SLIT2: variants seen among roughly 807,000 people sequenced by gnomAD.
SLIT2 encodes the protein slit guidance ligand 2, also known as slit homolog 2 protein.
In SLIT2, 41 loss-of-function variants were observed where a neutral mutation model predicts 185.7. The ratio of observed to expected loss-of-function variants is 0.22; its 90% confidence interval spans 0.17 to 0.29. The LOEUF is 0.29. SLIT2 is among the 10% of genes least tolerant of loss of function. The pLI is 1.00. For synonymous variants in SLIT2, 693 were observed against 680.2 expected (o/e 1.02, Z -0.29); for missense variants, 1,571 against 1,909.0 (o/e 0.82, Z 3.30).
chr4:20,419,694 T>TGTGTGC (rs1728009818), intron 4 of SLIT2, among the ~76,000 whole-genome samples: 1 of 151,552 alleles, frequency 6.6e-6, no homozygotes, highest in Non-Finnish European at 1.5e-5. Context: ...TGTGTGTGTG[T>TGTGTGC]GTGTGTGTGT....
At chr4:20,480,547 C>T (rs944519857) in intron 5 of SLIT2, among the ~76,000 whole-genome samples, 169 bp from the exon 6 acceptor site, 11 of 152,026 alleles carry the variant, frequency 7.2e-5, no homozygotes, top group East Asian at 1.9e-4. Flanking sequence ...ATTTCAGTGG[C>T]GGCATAGAGG....
In SLIT2 at chr4:20,566,215, A is replaced by G. The variant is rs188453422; in HGVS notation, c.2726-1047A>G. On this transcript the variant is annotated intron_variant, in intron 26 of 36. Transcript: ENST00000504154. ...GAAATTGCTTGTGATAAAATGTTCA[A>G]TTAGAATTATTGCTGCTTGTTCCAG... 1.7e-3 allele frequency among the ~76,000 whole-genome samples: 258 copies of G among 152,180 alleles called. 2 individuals carry two copies. The highest frequency in any genetic ancestry group is 5.7e-3 in the African/African-American group (235 of 41,562).
At chr4:20,565,477 G>C (rs375765824) in intron 26 of SLIT2, among the ~76,000 whole-genome samples, 1 of 151,922 alleles carries the variant, frequency 6.6e-6, no homozygotes, top group Non-Finnish European at 1.5e-5. Flanking sequence ...TTAACTAACT[G>C]CTTTCACTGT....
chr4:20,342,210 A>G (rs998349430), intron 4 of SLIT2, among the ~76,000 whole-genome samples: 10 of 152,200 alleles, frequency 6.6e-5, no homozygotes, highest in Non-Finnish European at 1.5e-4. Context: ...GGGATAAAAT[A>G]AAATTAACAT....
intron 30 of SLIT2, 128 bp downstream of exon 30, chr4:20,589,865 A>G: frequency 1.7e-6 from 1 of 578,880 alleles, no homozygotes; most frequent in Non-Finnish European, 3.1e-6. Context: ...CACTAGTATC[A>G]GTGACATTTT....
chr4:20,492,314 G>A (rs1292380395), intron 9 of SLIT2, among the ~76,000 whole-genome samples: 1 of 152,182 alleles, frequency 6.6e-6, no homozygotes, highest in Non-Finnish European at 1.5e-5. Flanking sequence ...GTTTTAAAAG[G>A]CAGTTTCACT....
At position 20,388,888 on chromosome 4, in the gene SLIT2, CAT is replaced by C. The variant is rs1491254010; in HGVS notation, c.396-78862_396-78861del. On this transcript the variant is annotated intron_variant, in intron 4 of 36. Coordinates refer to ENST00000504154, the MANE Select transcript of SLIT2 (RefSeq NM_004787.4). The stretch of plus-strand genomic sequence containing the variant: ...AATATAATATATAATATATATAAAA[CAT>C]AATATATATAATATATACATATAAT... Among the ~76,000 whole-genome samples, 169 of 133,068 alleles carry C rather than the reference CAT, an allele frequency of 1.3e-3. 1 individual carries two copies. The highest frequency in any genetic ancestry group is 4.3e-3 in the African/African-American group (154 of 35,980). The allele number at this position is 133,068 out of a possible 152,430, so 87.3% of individuals were successfully genotyped here. A position where few individuals can be genotyped will look rare whatever the true frequency, so the allele number is the denominator to read the frequency against.
intron 4 of SLIT2, among the ~76,000 whole-genome samples, chr4:20,280,476 A>G (rs907750488): frequency 6.6e-6 from 1 of 152,054 alleles, no homozygotes; most frequent in Non-Finnish European, 1.5e-5. Context: ...GTGTTTATAT[A>G]TGAGTATGTA....
At chr4:20,310,546 T>G (rs994506785) in intron 4 of SLIT2, among the ~76,000 whole-genome samples, 1 of 152,190 alleles carries the variant, frequency 6.6e-6, no homozygotes, top group African/African-American at 2.4e-5. Flanking sequence ...CTTCTTCTCC[T>G]GTCCTGTTCA....
intron 4 of SLIT2, among the ~76,000 whole-genome samples, chr4:20,380,009 G>C (rs1724362079): frequency 6.6e-6 from 1 of 152,110 alleles, no homozygotes; most frequent in Non-Finnish European, 1.5e-5. Flanking sequence ...GTGTTTGGTA[G>C]ATTACTGATC....
chr4:20,541,401 A>G, intron 19 of SLIT2, 52 bp from the exon 20 acceptor site: 1 of 1,534,268 alleles, frequency 6.5e-7, no homozygotes. Flanking sequence ...TTAGAGAAGG[A>G]AGAAGATGAA....
chr4:20,504,467 T>C (rs886724720), intron 9 of SLIT2, among the ~76,000 whole-genome samples: 1 of 152,150 alleles, frequency 6.6e-6, no homozygotes, highest in African/African-American at 2.4e-5. Context: ...ATAAAAACTT[T>C]TTGTGTTTCT....
intron 19 of SLIT2, 141 bp from the exon 20 acceptor site, chr4:20,541,312 T>G: frequency 3.0e-6 from 2 of 667,806 alleles, no homozygotes. Flanking sequence ...CATGTGATTC[T>G]GAGTAAGAAT....
chr4:20,497,248 T>TA (rs987426450), intron 9 of SLIT2, among the ~76,000 whole-genome samples: 3 of 83,784 alleles, frequency 3.6e-5, no homozygotes, highest in African/African-American at 5.2e-5. Flanking sequence ...CTTTGTTGTT[T>TA]AAAAAAAACT....
intron 4 of SLIT2, among the ~76,000 whole-genome samples, chr4:20,301,258 A>G (rs12504175): frequency 0.61 from 93,335 of 152,012 alleles, 28,983 homozygotes; most frequent in East Asian, 0.86. Context: ...AATGCTGGCT[A>G]TTTGGGATAC....
chr4:20,618,706 G>C, intron 36 of SLIT2, 62 bp from the exon 37 acceptor site: 1 of 1,488,148 alleles, frequency 6.7e-7, no homozygotes, highest in Non-Finnish European at 9.0e-7. Flanking sequence ...TGGATTCACA[G>C]TCACTCTGCA....
chr4:20,440,029 T>C (rs1729631529), intron 4 of SLIT2, among the ~76,000 whole-genome samples: 1 of 152,226 alleles, frequency 6.6e-6, no homozygotes, highest in African/African-American at 2.4e-5. Flanking sequence ...AGTTACACCA[T>C]TTAATTTAAA....
At chr4:20,571,632 A>G (rs1487029519) in intron 29 of SLIT2, among the ~76,000 whole-genome samples, 1 of 152,158 alleles carries the variant, frequency 6.6e-6, no homozygotes, top group Non-Finnish European at 1.5e-5. Flanking sequence ...ATGTGATTAT[A>G]TGGTTTTAAA....
rs563744195 is a variant in SLIT2, at chr4:20,459,087, A to C, written c.396-8665A>C. Among the ~76,000 whole-genome samples, 215 of 152,306 alleles carry C rather than the reference A, an allele frequency of 1.4e-3. 1 individual carries two copies. Among genetic ancestry groups the C allele is most frequent in the African/African-American group, 4.9e-3 (203 of 41,572 alleles). Reference sequence around the variant, plus strand: ...GAGATTATTATTACTGTGTTCAACAAAACTGTTGCTGAGAACTAGAAGTTC... The same window carrying C: ...GAGATTATTATTACTGTGTTCAACACAACTGTTGCTGAGAACTAGAAGTTC... On this transcript the variant is annotated intron_variant, in intron 4 of 36. Coordinates refer to ENST00000504154, the MANE Select transcript of SLIT2 (RefSeq NM_004787.4).
Sources: allele counts gnomAD v4.1 joint callset (sites outside exome capture counted in the v4.1 genomes callset), GRCh38; gene constraint gnomAD v4.1.1; transcripts MANE v1.5; gene names NCBI Gene and HGNC (gene_info 2026-07-23, HGNC 2026-07-21).